The following STT3B variants were observed in gnomAD, a reference collection of about 807,000 sequenced individuals.
STT3B encodes the protein dolichyl-diphosphooligosaccharide--protein glycosyltransferase subunit STT3B.
Under a neutral mutation model 96.8 loss-of-function variants are expected in STT3B, and 29 were observed. The observed-to-expected ratio is 0.30, with a 90% CI of 0.22 to 0.41. The LOEUF (loss-of-function observed/expected upper bound fraction) is 0.41, where lower values mean the gene tolerates loss of function less well. Among genes scored for constraint, STT3B ranks in the 10% least tolerant of loss-of-function variants. STT3B has a pLI of 1.00. For missense variants in STT3B, 640 were observed against 1,022.3 expected (o/e 0.63, Z 5.10); for synonymous variants, 367 against 360.0 (o/e 1.02, Z -0.22).
chr3:31,581,131 A>G (rs1306559907), intron 3 of STT3B, among the ~76,000 whole-genome samples: 1 of 152,172 alleles, frequency 6.6e-6, no homozygotes, highest in Non-Finnish European at 1.5e-5. Context: ...TTTAAGCAGT[A>G]CAAATCATAC....
At chr3:31,565,177 A>G (rs1274280518) in intron 1 of STT3B, among the ~76,000 whole-genome samples, 1 of 152,216 alleles carries the variant, frequency 6.6e-6, no homozygotes, top group African/African-American at 2.4e-5. Context: ...TTTTTAGACC[A>G]AATAGAAATT....
At chr3:31,557,433 G>C (rs934645743) in intron 1 of STT3B, among the ~76,000 whole-genome samples, 1 of 152,042 alleles carries the variant, frequency 6.6e-6, no homozygotes, top group South Asian at 2.1e-4. Context: ...GATAGGGCTT[G>C]TGTTCAATCT....
At chr3:31,588,686 A>G (rs1698600770) in intron 3 of STT3B, among the ~76,000 whole-genome samples, 1 of 152,076 alleles carries the variant, frequency 6.6e-6, no homozygotes, top group African/African-American at 2.4e-5. Context: ...AGTTATTTTC[A>G]TGAAAAGTAT....
At chr3:31,540,021 A>T (rs1347896420) in intron 1 of STT3B, among the ~76,000 whole-genome samples, 2 of 152,134 alleles carry the variant, frequency 1.3e-5, no homozygotes, top group East Asian at 3.8e-4. Context: ...TTCTAAGGTG[A>T]TACAATTATA....
intron 3 of STT3B, among the ~76,000 whole-genome samples, chr3:31,588,009 C>T (rs1233298805): frequency 6.6e-6 from 1 of 152,118 alleles, no homozygotes; most frequent in Non-Finnish European, 1.5e-5. Flanking sequence ...GTGACTTTAG[C>T]TCTCTGATAA....
At chr3:31,559,533 T>G (rs1256046779) in intron 1 of STT3B, among the ~76,000 whole-genome samples, 1 of 152,108 alleles carries the variant, frequency 6.6e-6, no homozygotes, top group Non-Finnish European at 1.5e-5. Context: ...TGTTATTGAT[T>G]TCTCATTTTA....
intron 3 of STT3B, among the ~76,000 whole-genome samples, chr3:31,584,793 C>T (rs1346569599): frequency 6.6e-6 from 1 of 152,084 alleles, no homozygotes; most frequent in African/African-American, 2.4e-5. Context: ...GCATAAAATA[C>T]TCTCTGACTC....
At chr3:31,534,006 T>C (rs1054308591) in intron 1 of STT3B, among the ~76,000 whole-genome samples, 19 of 152,242 alleles carry the variant, frequency 1.2e-4, no homozygotes, top group African/African-American at 4.6e-4. Flanking sequence ...CATTAGGTAT[T>C]TTAAAGAGTG....
chr3:31,557,450 A>G (rs937107029), intron 1 of STT3B, among the ~76,000 whole-genome samples: 3 of 152,108 alleles, frequency 2.0e-5, no homozygotes, highest in African/African-American at 7.2e-5. Context: ...ATCTGTATGT[A>G]TACTGCTTTG....
At chr3:31,599,032 C>A (rs949401904) in intron 4 of STT3B, among the ~76,000 whole-genome samples, 2 of 152,178 alleles carry the variant, frequency 1.3e-5, no homozygotes, top group Admixed American at 1.3e-4. Context: ...TGGTCTCGAA[C>A]TCCTGATCTC....
Position 31,600,345 on chromosome 3 carries a change from C to T in STT3B, c.778-15C>T. 2.4e-6 allele frequency: 3 copies of T among 1,246,870 alleles called. No individual in the cohort carries two copies. The highest frequency in any genetic ancestry group is 1.8e-5 in the Admixed American group (1 of 54,404). 77.2% of individuals were successfully genotyped at this position (1,246,870 alleles called of 1,614,324 possible). On this transcript the variant is annotated splice_polypyrimidine_tract_variant and intron_variant, in intron 4 of 15. Transcript: ENST00000295770. ...GTAAAAATATATATTTAACTTAGCA[C>T]TTCTTTTCCTATAGGTCTCTGCTTG...
chr3:31,543,510 T>C (rs1336314980), intron 1 of STT3B, among the ~76,000 whole-genome samples: 2 of 152,220 alleles, frequency 1.3e-5, no homozygotes, highest in Non-Finnish European at 2.9e-5. Context: ...TTATCTTTAA[T>C]GGTAACCACA....
intron 1 of STT3B, among the ~76,000 whole-genome samples, chr3:31,565,595 A>G (rs918422074): frequency 1.3e-5 from 2 of 152,224 alleles, no homozygotes; most frequent in East Asian, 3.9e-4. Context: ...AGTATGAGAA[A>G]GGTGCCAAAA....
At chr3:31,597,948 G>A (rs1197725721) in intron 4 of STT3B, among the ~76,000 whole-genome samples, 2 of 151,178 alleles carry the variant, frequency 1.3e-5, no homozygotes, top group Non-Finnish European at 2.9e-5. Context: ...CTATTCTCGC[G>A]CCTCAGCCTC....
At chr3:31,600,088 A>C (rs1698896472) in intron 4 of STT3B, among the ~76,000 whole-genome samples, 2 of 152,140 alleles carry the variant, frequency 1.3e-5, no homozygotes, top group African/African-American at 4.8e-5. Context: ...ACAAATTATA[A>C]TACTCTCAGC....
At chr3:31,598,409 T>TA (rs140070278) in intron 4 of STT3B, among the ~76,000 whole-genome samples, 8,219 of 152,154 alleles carry the variant, frequency 0.054, 759 homozygotes, top group African/African-American at 0.19. Flanking sequence ...AACAGAGAAA[T>TA]AAGAGTACTT....
intron 3 of STT3B, 83 bp from the exon 4 acceptor site, chr3:31,596,715 T>C (rs547040076): frequency 9.6e-7 from 1 of 1,041,474 alleles, no homozygotes; most frequent in East Asian, 2.4e-5. Flanking sequence ...TTGTAGCCTG[T>C]GGTTACCAAA....
intron 3 of STT3B, among the ~76,000 whole-genome samples, chr3:31,588,928 A>T (rs1274429260): frequency 1.3e-5 from 2 of 151,940 alleles, no homozygotes; most frequent in African/African-American, 4.8e-5. Context: ...GTGTAGTATC[A>T]GTCTTGTTTC....
At chr3:31,572,444 T>C (rs1225659093) in intron 1 of STT3B, among the ~76,000 whole-genome samples, 1 of 152,040 alleles carries the variant, frequency 6.6e-6, no homozygotes, top group Non-Finnish European at 1.5e-5. Context: ...ATTCATGACA[T>C]GGTTGGCATC....
Sources: gnomAD v4.1 joint callset for allele counts (sites outside exome capture counted in the v4.1 genomes callset) on GRCh38, gnomAD v4.1.1 for gene constraint, MANE v1.5 for transcripts, NCBI Gene and HGNC (gene_info 2026-07-23, HGNC 2026-07-21) for gene names.